CIB4: variants seen among roughly 807,000 people sequenced by gnomAD.
CIB4 encodes the protein calcium and integrin-binding family member 4.
In CIB4, 25 loss-of-function variants were observed where a neutral mutation model predicts 25.8. That is an observed-to-expected ratio of 0.97 (90% confidence interval 0.71 to 1.35). The LOEUF (loss-of-function observed/expected upper bound fraction) is 1.35. Among genes scored for constraint, CIB4 ranks in the 40% most tolerant of loss-of-function variants. The probability of loss-of-function intolerance (pLI) is 0.00; values close to 1 mark genes in which losing one functional copy is unlikely to be tolerated. For synonymous variants in CIB4, 75 were observed against 81.4 expected (o/e 0.92, Z 0.42); for missense variants, 235 against 228.2 (o/e 1.03, Z -0.19).
chr2:26,600,326 C>T lies in CIB4; in HGVS notation c.187-5009G>A, dbSNP rs953904691. Among the ~76,000 whole-genome samples, 3 of 152,194 alleles carry T rather than the reference C, an allele frequency of 2.0e-5. No homozygotes were observed. The South Asian group carries it at 6.2e-4, about 32-fold the overall frequency. Reference sequence around the variant, plus strand: ...GGCTGAGGCAGAAGAATTGCTTGAACTCGGGAGGCAGAGGTTGCAGTGAGC... The same window carrying T: ...GGCTGAGGCAGAAGAATTGCTTGAATTCGGGAGGCAGAGGTTGCAGTGAGC... On this transcript the variant is annotated intron_variant, in intron 3 of 6. Transcript: ENST00000288861.
rs79655658 is a variant in CIB4, at chr2:26,614,315, C to T, written c.186+15095G>A. On this transcript the variant is annotated intron_variant, in intron 3 of 6. Transcript: ENST00000288861. ...TGTTTATCTTGTACTCTGGGAGTGCCGGACTGTGGCCGAGGGACTGGATGA... is the reference window on the plus strand; with the variant it reads ...TGTTTATCTTGTACTCTGGGAGTGCTGGACTGTGGCCGAGGGACTGGATGA... 7.9e-3 allele frequency among the ~76,000 whole-genome samples: 1,205 copies of T among 152,244 alleles called. 15 individuals are homozygous for T. Among genetic ancestry groups the T allele is most frequent in the African/African-American group, 0.027 (1,114 of 41,536 alleles).
At chr2:26,617,147 T>TGTGTGTGCGCGC (rs10665609) in intron 3 of CIB4, among the ~76,000 whole-genome samples, 138 of 150,532 alleles carry the variant, frequency 9.2e-4, no homozygotes, top group Admixed American at 2.5e-3. Context: ...TGTGTGTGTG[T>TGTGTGTGCGCGC]GCACGTGAGC....
At position 26,630,347 on chromosome 2, in the gene CIB4, G is replaced by A. The variant is rs536568226; in HGVS notation, c.90-841C>T. 2.4e-3 allele frequency among the ~76,000 whole-genome samples: 372 copies of A among 152,332 alleles called. 1 individual carries two copies. Among genetic ancestry groups the A allele is most frequent in the Non-Finnish European group, 4.3e-3 (295 of 68,028 alleles). ...CAAGGCAGCCAGTGGAGGTGAGACAGTGGTGCCCTGGGGCCCAGGAGGCCT... is the reference window on the plus strand; with the variant it reads ...CAAGGCAGCCAGTGGAGGTGAGACAATGGTGCCCTGGGGCCCAGGAGGCCT... On this transcript the variant is annotated intron_variant, in intron 2 of 6. Transcript: ENST00000288861.
intron 4 of CIB4, among the ~76,000 whole-genome samples, chr2:26,587,049 G>C (rs1668471097): frequency 6.6e-6 from 1 of 152,170 alleles, no homozygotes; most frequent in South Asian, 2.1e-4. Flanking sequence ...ATTCACGCCT[G>C]TAATCCCAGC....
At chr2:26,631,311 C>T (rs545584474) in intron 2 of CIB4, among the ~76,000 whole-genome samples, 300 of 152,152 alleles carry the variant, frequency 2.0e-3, no homozygotes, top group Middle Eastern at 6.8e-3. Flanking sequence ...CCCATTTCTA[C>T]AAAAAAATTG....
At chr2:26,597,456 C>T (rs1318543000) in intron 3 of CIB4, among the ~76,000 whole-genome samples, 2 of 150,644 alleles carry the variant, frequency 1.3e-5, no homozygotes, top group Non-Finnish European at 2.9e-5. Flanking sequence ...ACTAGAACCA[C>T]ACCTCTGAAT....
At chr2:26,611,544 G>A (rs181585115) in intron 3 of CIB4, among the ~76,000 whole-genome samples, 86 of 152,288 alleles carry the variant, frequency 5.6e-4, no homozygotes, top group Non-Finnish European at 2.2e-4. Context: ...TACATACTCA[G>A]TATAATTATC....
intron 2 of CIB4, among the ~76,000 whole-genome samples, chr2:26,639,787 G>C (rs895144842): frequency 1.3e-5 from 2 of 151,898 alleles, no homozygotes; most frequent in South Asian, 4.2e-4. Flanking sequence ...ACTGGGGAGG[G>C]TTAGTCCAAG....
chr2:26,607,933 G>C (rs1668922715), intron 3 of CIB4, among the ~76,000 whole-genome samples: 1 of 152,244 alleles, frequency 6.6e-6, no homozygotes. Context: ...AAATCTCCAG[G>C]GGACTCAAAG....
In CIB4 at chr2:26,641,244, T is replaced by A. The variant is rs781017089; in HGVS notation, c.54+17A>T. ...AGCTCCCACCTCTGCCCAGAGTCCC[T>A]AGCCCGATCTACCCACCTGGTACTC... On this transcript the variant is annotated intron_variant, in intron 1 of 6. Transcript: ENST00000288861. 26 of 1,606,652 alleles carry A rather than the reference T, an allele frequency of 1.6e-5. No individual in the cohort carries two copies. Among genetic ancestry groups the A allele is most frequent in the Non-Finnish European group, 2.0e-5 (24 of 1,173,390 alleles).
intron 4 of CIB4, among the ~76,000 whole-genome samples, chr2:26,589,075 T>TTCTTCTTCTTCTTCC (rs1668525158): frequency 1.8e-5 from 1 of 55,532 alleles, no homozygotes; most frequent in African/African-American, 1.0e-4. Flanking sequence ...CCTCTTCCTC[T>TTCTTCTTCTTCTTCC]TCTTCTTCTT....
chr2:26,591,308 C>G (rs778843665), intron 4 of CIB4, among the ~76,000 whole-genome samples: 1 of 152,242 alleles, frequency 6.6e-6, no homozygotes, highest in East Asian at 1.9e-4. Context: ...AACAGAGATG[C>G]TTGTGGCTAC....
intron 3 of CIB4, among the ~76,000 whole-genome samples, chr2:26,616,378 T>C (rs1669092831): frequency 6.6e-6 from 1 of 152,164 alleles, no homozygotes; most frequent in African/African-American, 2.4e-5. Context: ...AAAGGCTTGG[T>C]GACCTTGGGC....
rs141183726 is a variant in CIB4, at chr2:26,623,474, G to A, written c.186+5936C>T. ...GACTTTTCATCGCTTTCAGCCTTGG[G>A]AGTGAGTTCTTTGCAAGCTGTTCTA... On this transcript the variant is annotated intron_variant, in intron 3 of 6. Coordinates refer to ENST00000288861, the MANE Select transcript of CIB4 (RefSeq NM_001029881.3). 1,430 of 470,168 alleles carry A rather than the reference G, an allele frequency of 3.0e-3. 16 individuals carry two copies. Among genetic ancestry groups the A allele is most frequent in the African/African-American group, 0.024 (1,214 of 50,172 alleles). The allele number at this position is 470,168 out of a possible 1,614,324, so 29.1% of individuals were successfully genotyped here. A position where few individuals can be genotyped will look rare whatever the true frequency, so the allele number is the denominator to read the frequency against.
intron 3 of CIB4, among the ~76,000 whole-genome samples, chr2:26,603,688 C>A (rs1668835923): frequency 6.6e-6 from 1 of 152,102 alleles, no homozygotes; most frequent in Non-Finnish European, 1.5e-5. Context: ...GAAAATAAGA[C>A]CCACAACCAG....
intron 2 of CIB4, among the ~76,000 whole-genome samples, 172 bp downstream of exon 2, chr2:26,640,361 G>A (rs1038903780): frequency 6.6e-6 from 1 of 152,214 alleles, no homozygotes; most frequent in African/African-American, 2.4e-5. Flanking sequence ...TCTGCGGATC[G>A]TGGCCCCTGG....
chr2:26,583,373 C>T (rs1189215977), intron 5 of CIB4, among the ~76,000 whole-genome samples: 1 of 152,178 alleles, frequency 6.6e-6, no homozygotes, highest in African/African-American at 2.4e-5. Flanking sequence ...TTTGTCACTC[C>T]AGGACACCTG....
chr2:26,623,883 C>G (rs1473500962), intron 3 of CIB4, among the ~76,000 whole-genome samples: 1 of 152,222 alleles, frequency 6.6e-6, no homozygotes, highest in African/African-American at 2.4e-5. Context: ...CAAGTCACAC[C>G]ATGCCACACT....
At chr2:26,619,478 A>G (rs1438467399) in intron 3 of CIB4, among the ~76,000 whole-genome samples, 3 of 152,338 alleles carry the variant, frequency 2.0e-5, no homozygotes, top group East Asian at 3.9e-4. Flanking sequence ...TTTACTGCAC[A>G]TCGGAAAGGC....
Sources: allele counts gnomAD v4.1 joint callset (sites outside exome capture counted in the v4.1 genomes callset), GRCh38; gene constraint gnomAD v4.1.1; transcripts MANE v1.5; gene names NCBI Gene and HGNC (gene_info 2026-07-23, HGNC 2026-07-21).